PLXDC2: variants seen among roughly 807,000 people sequenced by gnomAD.
PLXDC2 encodes the protein plexin domain containing 2.
PLXDC2 carries 40 observed loss-of-function variants against 68.9 expected under a neutral mutation model. The ratio of observed to expected loss-of-function variants is 0.58; its 90% confidence interval spans 0.45 to 0.76. The LOEUF (loss-of-function observed/expected upper bound fraction) is 0.76. PLXDC2 is among the 30% of genes least tolerant of loss of function. The pLI, the probability that PLXDC2 is intolerant of heterozygous loss-of-function variation, is 0.00. For synonymous variants in PLXDC2, 243 were observed against 234.2 expected (o/e 1.04, Z -0.34); for missense variants, 644 against 661.9 (o/e 0.97, Z 0.30).
At chr10:20,196,900 T>TA (rs1346049622) in intron 9 of PLXDC2, among the ~76,000 whole-genome samples, 2 of 152,214 alleles carry the variant, frequency 1.3e-5, no homozygotes, top group African/African-American at 2.4e-5. Flanking sequence ...TGGAAATCAC[T>TA]AATCGGCTTG....
Position 19,936,721 on chromosome 10 carries a change from A to G in PLXDC2, c.113-65054A>G, listed in dbSNP as rs548968582. 3.3e-5 allele frequency among the ~76,000 whole-genome samples: 5 copies of G among 152,298 alleles called. No individual in the cohort carries two copies. In the South Asian group the frequency reaches 1.0e-3, roughly 32 times the overall value. On this transcript the variant is annotated intron_variant, in intron 1 of 13. Transcript: ENST00000377252. ...ATGGTGGAGTATTTACGCCAAGGAA[A>G]TTGTCAAATGTCACAAATTATGTGC...
chr10:20,200,699 A>C (rs1834905405), intron 9 of PLXDC2, among the ~76,000 whole-genome samples: 1 of 152,146 alleles, frequency 6.6e-6, no homozygotes, highest in Admixed American at 6.6e-5. Context: ...CAACCTAATT[A>C]AAAACTAGGT....
At chr10:20,052,166 A>G (rs1409153084) in intron 3 of PLXDC2, among the ~76,000 whole-genome samples, 2 of 152,082 alleles carry the variant, frequency 1.3e-5, no homozygotes, top group African/African-American at 4.8e-5. Flanking sequence ...CATTTAAATA[A>G]GCTTTACTGC....
At chr10:19,937,729 A>T (rs1010546092) in intron 1 of PLXDC2, among the ~76,000 whole-genome samples, 2 of 151,718 alleles carry the variant, frequency 1.3e-5, no homozygotes, top group African/African-American at 4.8e-5. Flanking sequence ...TTCTTGCCAC[A>T]CTCTGTGGCA....
At chr10:20,264,633 T>C (rs183647717) in intron 13 of PLXDC2, among the ~76,000 whole-genome samples, 2 of 151,804 alleles carry the variant, frequency 1.3e-5, no homozygotes, top group East Asian at 3.9e-4. Flanking sequence ...AAATAATAAT[T>C]TTGAAAATAA....
At chr10:20,073,836 C>T (rs1836384001) in intron 4 of PLXDC2, among the ~76,000 whole-genome samples, 1 of 151,620 alleles carries the variant, frequency 6.6e-6, no homozygotes. Context: ...TATTATTAGC[C>T]TGCTAGTGTG....
intron 9 of PLXDC2, among the ~76,000 whole-genome samples, chr10:20,195,810 G>A (rs144965461): frequency 1.8e-4 from 27 of 152,166 alleles, no homozygotes; most frequent in African/African-American, 3.9e-4. Context: ...TGATGTTCCC[G>A]AGGAAGATAG....
intron 4 of PLXDC2, among the ~76,000 whole-genome samples, chr10:20,132,893 G>A (rs554641196): frequency 2.0e-5 from 3 of 152,008 alleles, no homozygotes; most frequent in Non-Finnish European, 4.4e-5. Context: ...CTATTTTATA[G>A]CCCTTTTCTT....
rs570376777 is a variant in PLXDC2 at position 19,928,692 on chromosome 10, G to A, written c.113-73083G>A. Among the ~76,000 whole-genome samples the A allele has an allele frequency of 5.3e-5, 8 of 151,356 alleles. No homozygotes were observed. The South Asian group carries it at 1.7e-3, about 32-fold the overall frequency. On this transcript the variant is annotated intron_variant, in intron 1 of 13. Transcript: ENST00000377252. Reference sequence around the variant, plus strand: ...AGACTGGAGTTTCACTAATTTTATCGTAGAGATCTTGTCTGTGCTAGATTG... The same window carrying A: ...AGACTGGAGTTTCACTAATTTTATCATAGAGATCTTGTCTGTGCTAGATTG...
chr10:19,944,952 CAAACAAAACA>C (rs1394612971), intron 1 of PLXDC2, among the ~76,000 whole-genome samples: 1 of 150,824 alleles, frequency 6.6e-6, no homozygotes, highest in South Asian at 2.1e-4. Flanking sequence ...AACTCCATCT[CAAACAAAACA>C]AAACAAAACA....
At chr10:20,237,423 A>G (rs1564363029) in intron 12 of PLXDC2, among the ~76,000 whole-genome samples, 2 of 152,200 alleles carry the variant, frequency 1.3e-5, no homozygotes, top group Non-Finnish European at 2.9e-5. Context: ...GACATAAAAC[A>G]CCCAAAGAAA....
chr10:20,233,586 T>C (rs1347867151), intron 12 of PLXDC2, among the ~76,000 whole-genome samples: 1 of 152,124 alleles, frequency 6.6e-6, no homozygotes, highest in African/African-American at 2.4e-5. Flanking sequence ...GGGATTTAAG[T>C]AATTTGTTCA....
chr10:20,230,677 G>C (rs1835349291), intron 12 of PLXDC2, among the ~76,000 whole-genome samples: 1 of 77,984 alleles, frequency 1.3e-5, no homozygotes, highest in African/African-American at 4.4e-5. Context: ...CTGGGCTACA[G>C]AGTGAGACCT....
chr10:20,094,966 C>G (rs1057020748), intron 4 of PLXDC2, among the ~76,000 whole-genome samples: 1 of 152,138 alleles, frequency 6.6e-6, no homozygotes, highest in Non-Finnish European at 1.5e-5. Context: ...TAAAAGAAGG[C>G]TCAAGCCTTC....
intron 1 of PLXDC2, among the ~76,000 whole-genome samples, chr10:19,859,729 T>G (rs1020927553): frequency 6.6e-6 from 1 of 152,106 alleles, no homozygotes; most frequent in Non-Finnish European, 1.5e-5. Flanking sequence ...TTATTTTTAC[T>G]TATTATATTT....
intron 4 of PLXDC2, among the ~76,000 whole-genome samples, chr10:20,078,876 G>T (rs1328389321): frequency 6.6e-6 from 1 of 151,834 alleles, no homozygotes; most frequent in Non-Finnish European, 1.5e-5. Flanking sequence ...TTTCCACAAG[G>T]TTTGAAATAT....
At chr10:20,105,329 T>A (rs1450703935) in intron 4 of PLXDC2, among the ~76,000 whole-genome samples, 1 of 152,180 alleles carries the variant, frequency 6.6e-6, no homozygotes, top group East Asian at 1.9e-4. Context: ...ATAACCACAA[T>A]GTACAATGTC....
chr10:20,036,339 C>T (rs1219499383), intron 2 of PLXDC2, among the ~76,000 whole-genome samples: 1 of 152,118 alleles, frequency 6.6e-6, no homozygotes, highest in Admixed American at 6.6e-5. Flanking sequence ...CTTCTGAGGA[C>T]ACAGGGAGAA....
chr10:20,162,907 T>TAAAAAAAAAAA (rs1554771479), intron 6 of PLXDC2, among the ~76,000 whole-genome samples: 1 of 17,252 alleles, frequency 5.8e-5, no homozygotes. Flanking sequence ...CTACTAAAAA[T>TAAAAAAAAAAA]ACAAAAAAAA....
Sources: allele counts gnomAD v4.1 joint callset (sites outside exome capture counted in the v4.1 genomes callset), GRCh38; gene constraint gnomAD v4.1.1; transcripts MANE v1.5; gene names NCBI Gene and HGNC (gene_info 2026-07-23, HGNC 2026-07-21).